MSH4: variants seen among roughly 807,000 people sequenced by gnomAD.
MSH4 encodes mutS homolog 4, also known as mutS protein homolog 4.
Under a neutral mutation model 113.7 loss-of-function variants are expected in MSH4, and 106 were observed. That is an observed-to-expected ratio of 0.93 (90% confidence interval 0.80 to 1.10). MSH4 has a LOEUF of 1.10. Ranked by LOEUF, MSH4 falls within the 50% of genes least tolerant of loss-of-function variation. MSH4 has a pLI of 0.00. For synonymous variants in MSH4, 368 were observed against 380.2 expected, an observed-to-expected ratio of 0.97 and a Z score of 0.37; for missense variants, 1,061 against 1,093.7, an observed-to-expected ratio of 0.97 and a Z score of 0.42.
intron 4 of MSH4, among the ~76,000 whole-genome samples, chr1:75,813,426 G>A (rs543643761): frequency 2.0e-5 from 3 of 152,200 alleles, no homozygotes; most frequent in Non-Finnish European, 2.9e-5. Context: ...AGATTGTCCC[G>A]GTTTCAGATC....
intron 19 of MSH4, among the ~76,000 whole-genome samples, chr1:75,910,392 G>C (rs373779014): frequency 5.9e-5 from 9 of 151,594 alleles, no homozygotes; most frequent in East Asian, 3.9e-4. Context: ...CTACCTGTTT[G>C]ATTATTTCTT....
At chr1:75,855,969 G>T (rs1393536229) in intron 8 of MSH4, among the ~76,000 whole-genome samples, 1 of 152,120 alleles carries the variant, frequency 6.6e-6, no homozygotes, top group African/African-American at 2.4e-5. Flanking sequence ...ATAGTATTAT[G>T]CAATCACACA....
chr1:75,806,043 T>C (rs1036288015), intron 2 of MSH4, among the ~76,000 whole-genome samples: 1 of 152,012 alleles, frequency 6.6e-6, no homozygotes, highest in African/African-American at 2.4e-5. Context: ...TTTTTTATTT[T>C]CTGAGTTTGC....
intron 15 of MSH4, among the ~76,000 whole-genome samples, chr1:75,888,339 G>T (rs1652171971): frequency 6.6e-6 from 1 of 151,544 alleles, no homozygotes; most frequent in Non-Finnish European, 1.5e-5. Flanking sequence ...ATGCATTTTA[G>T]ATTTTATTCT....
At chr1:75,901,708 T>A (rs1415049229) in intron 19 of MSH4, among the ~76,000 whole-genome samples, 1 of 152,140 alleles carries the variant, frequency 6.6e-6, no homozygotes, top group Non-Finnish European at 1.5e-5. Flanking sequence ...GATAGTGCTA[T>A]TTTTAGTCTT....
chr1:75,886,535 ATT>A lies in MSH4; in HGVS notation c.2107+2715_2108-2714del, dbSNP rs1557525054. Among the ~76,000 whole-genome samples the A allele has an allele frequency of 5.3e-4, 31 of 58,704 alleles. 1 individual carries two copies. In the East Asian group the frequency reaches 0.15, roughly 288 times the overall value. 38.5% of individuals were successfully genotyped at this position (58,704 alleles called of 152,430 possible). A position where few individuals can be genotyped will look rare whatever the true frequency, so the allele number is the denominator to read the frequency against. The stretch of plus-strand genomic sequence containing the variant: ...ATAATATATATGATGTATTATATAT[ATT>A]ATTATCTATTATATACGATGTATTA... On this transcript the variant is annotated intron_variant, in intron 15 of 19. Coordinates refer to ENST00000263187, the MANE Select transcript of MSH4 (RefSeq NM_002440.4).
At chr1:75,851,003 G>A (rs1225228446) in intron 8 of MSH4, among the ~76,000 whole-genome samples, 5 of 152,026 alleles carry the variant, frequency 3.3e-5, no homozygotes, top group Non-Finnish European at 7.4e-5. Context: ...AGCCACTCCA[G>A]CTTTCTTTTG....
chr1:75,901,814 A>G (rs1326952038), intron 19 of MSH4, among the ~76,000 whole-genome samples: 1 of 152,056 alleles, frequency 6.6e-6, no homozygotes, highest in Admixed American at 6.6e-5. Context: ...CCTCACCAGC[A>G]TTTGTTAATT....
chr1:75,802,764 TG>T (rs1311164606), intron 1 of MSH4, among the ~76,000 whole-genome samples: 5 of 152,178 alleles, frequency 3.3e-5, no homozygotes, highest in Admixed American at 6.5e-5. Flanking sequence ...AAAGAATACT[TG>T]AAACTGGGTG....
At chr1:75,830,436 A>G (rs929499876) in intron 7 of MSH4, among the ~76,000 whole-genome samples, 4 of 152,176 alleles carry the variant, frequency 2.6e-5, no homozygotes, top group Admixed American at 2.0e-4. Context: ...GGAAATACAG[A>G]GAACGCCGCA....
At chr1:75,824,653 G>A (rs1650505125) in intron 7 of MSH4, among the ~76,000 whole-genome samples, 1 of 152,132 alleles carries the variant, frequency 6.6e-6, no homozygotes, top group Admixed American at 6.5e-5. Flanking sequence ...TTTGTATAAG[G>A]TGTAAGGAAG....
intron 7 of MSH4, among the ~76,000 whole-genome samples, chr1:75,844,587 A>G (rs1651036183): frequency 6.6e-6 from 1 of 152,146 alleles, no homozygotes; most frequent in Non-Finnish European, 1.5e-5. Flanking sequence ...TGGCCTCCCA[A>G]AGTGCTGGGA....
At chr1:75,854,121 A>G (rs1438628027) in intron 8 of MSH4, among the ~76,000 whole-genome samples, 1 of 150,434 alleles carries the variant, frequency 6.6e-6, no homozygotes, top group Non-Finnish European at 1.5e-5. Context: ...TCCAATTTCA[A>G]TTTACAGTCA....
intron 3 of MSH4, among the ~76,000 whole-genome samples, 166 bp from the exon 4 acceptor site, chr1:75,810,531 A>T (rs1015855992): frequency 1.3e-5 from 2 of 150,948 alleles, no homozygotes; most frequent in Admixed American, 6.7e-5. Flanking sequence ...CTGGGATTAC[A>T]GGTGTGAACC....
Position 75,797,071 on chromosome 1 carries a change from C to G in MSH4, c.86C>G (p.Pro29Arg), listed in dbSNP as rs1455241557. The G allele has an allele frequency of 6.2e-6, 10 of 1,613,946 alleles. No homozygotes were observed. The highest frequency in any genetic ancestry group is 7.6e-6 in the Non-Finnish European group (9 of 1,179,946). Residue 29 changes from proline to arginine, a missense_variant, in exon 1 of 20, where the codon CCC becomes CGC. By Grantham distance (103) the Pro-to-Arg change is moderately radical. Transcript: ENST00000263187. ...GGAGAAACCCGCTCACCTCAGGGTC[C>G]CCGCTACAATTTCGGACTCCAGGAG... ...SSGETRSPQG[P>R]RYNFGLQETP... is the part of the protein sequence containing the mutation.
At chr1:75,886,697 ATATAAATATATTATATATAAATG>A (rs1162830173) in intron 15 of MSH4, among the ~76,000 whole-genome samples, 1 of 131,094 alleles carries the variant, frequency 7.6e-6, no homozygotes, top group African/African-American at 2.8e-5. Context: ...AATGTATAAT[ATATAAATATATTATATATAAATG>A]TATACATTAT....
chr1:75,894,817 T>C (rs563996977), intron 17 of MSH4, among the ~76,000 whole-genome samples: 2 of 152,152 alleles, frequency 1.3e-5, no homozygotes, highest in Non-Finnish European at 2.9e-5. Flanking sequence ...GACTAGTCTT[T>C]TAAGGACTCA....
intron 7 of MSH4, among the ~76,000 whole-genome samples, chr1:75,841,132 G>T (rs1024838601): frequency 6.6e-6 from 1 of 151,652 alleles, no homozygotes; most frequent in African/African-American, 2.4e-5. Context: ...CACGCCATTG[G>T]CTATGATCTT....
At chr1:75,797,378 G>A (rs1476876855) in intron 1 of MSH4, 149 bp downstream of exon 1, 4 of 1,138,108 alleles carry the variant, frequency 3.5e-6, no homozygotes, top group South Asian at 1.6e-5. Context: ...TGGTGAGTCT[G>A]GGTGATTAGA....
Sources: allele counts gnomAD v4.1 joint callset (sites outside exome capture counted in the v4.1 genomes callset), GRCh38; gene constraint gnomAD v4.1.1; transcripts MANE v1.5; gene names NCBI Gene and HGNC (gene_info 2026-07-23, HGNC 2026-07-21).